Variants in EXOC7 observed in about 807,000 individuals in gnomAD.
EXOC7 encodes exocyst complex component 7.
EXOC7 carries 51 observed loss-of-function variants against 87.6 expected under a neutral mutation model. That is an observed-to-expected ratio of 0.58 (90% CI 0.46 to 0.73). The LOEUF is 0.73. Among genes scored for constraint, EXOC7 ranks in the 30% least tolerant of loss-of-function variants. The probability of loss-of-function intolerance (pLI) is 0.00; values close to 1 mark genes in which losing one functional copy is unlikely to be tolerated. For synonymous variants in EXOC7, 327 were observed against 357.1 expected, an observed-to-expected ratio of 0.92 and a Z score of 0.95; for missense variants, 744 against 888.4, an observed-to-expected ratio of 0.84 and a Z score of 2.07.
At chr17:76,101,035 A>G (rs1029431688) in intron 4 of EXOC7, 2 of 594,742 alleles carry the variant, frequency 3.4e-6, no homozygotes, top group African/African-American at 4.0e-5. Flanking sequence ...TATATTTTAT[A>G]TGTAATTTAT....
intron 1 of EXOC7, 85 bp downstream of exon 1, chr17:76,103,548 T>G: frequency 2.2e-6 from 3 of 1,340,194 alleles, no homozygotes; most frequent in Non-Finnish European, 3.0e-6. Flanking sequence ...CTCCCACCCC[T>G]GCCTCCTCCA....
At chr17:76,085,588 G>A in intron 14 of EXOC7, 89 bp downstream of exon 14, 1 of 1,599,230 alleles carries the variant, frequency 6.3e-7, no homozygotes, top group Non-Finnish European at 8.5e-7. Flanking sequence ...TCGTCCACAA[G>A]AGAAGGAGCC....
intron 6 of EXOC7, among the ~76,000 whole-genome samples, chr17:76,092,139 G>A (rs1413499050): frequency 2.0e-5 from 3 of 152,146 alleles, no homozygotes; most frequent in Non-Finnish European, 2.9e-5. Flanking sequence ...AAAGGCACCC[G>A]GGATGCCTCC....
Position 76,082,190 on chromosome 17 carries a change from C to T in EXOC7, c.*1458G>A, listed in dbSNP as rs2067011079. On this transcript the variant is annotated 3_prime_UTR_variant, in exon 19 of 19. Transcript: ENST00000589210. Reference sequence around the variant, plus strand: ...CTGTCCCTGGTCTCCACCATGTCCTCCTCCCTTAGAAGAAACAGGTCTGGG... The same window carrying T: ...CTGTCCCTGGTCTCCACCATGTCCTTCTCCCTTAGAAGAAACAGGTCTGGG... 5 of 1,105,494 alleles carry T rather than the reference C, an allele frequency of 4.5e-6. No homozygotes were observed. The Admixed American group carries it at 1.5e-4, about 32-fold the overall frequency. The allele number at this position is 1,105,494 out of a possible 1,614,324, so 68.5% of individuals were successfully genotyped here. A position where few individuals can be genotyped will look rare whatever the true frequency, so the allele number is the denominator to read the frequency against.
rs759260379 is a variant in EXOC7 at position 76,086,060 on chromosome 17, C to T, written c.1495+20G>A. 6.2e-7 allele frequency: 1 copy of T among 1,612,704 alleles called. No homozygotes were observed. Among genetic ancestry groups the T allele is most frequent in the Non-Finnish European group, 8.5e-7 (1 of 1,179,698 alleles). On this transcript the variant is annotated intron_variant, in intron 13 of 18. Coordinates refer to ENST00000589210, the MANE Select transcript of EXOC7 (RefSeq NM_001013839.4). ...GCATGCAGGCAGCAGGGCTGCTGGTCTGCCCGGGAGAACACTCACAGATAT... is the reference window on the plus strand; with the variant it reads ...GCATGCAGGCAGCAGGGCTGCTGGTTTGCCCGGGAGAACACTCACAGATAT...
chr17:76,081,523 G>A lies in EXOC7; in HGVS notation c.*2125C>T. On this transcript the variant is annotated 3_prime_UTR_variant, in exon 19 of 19. Coordinates refer to ENST00000589210, the MANE Select transcript of EXOC7 (RefSeq NM_001013839.4). ...CACCTCCTTCCCCCCCGCCGGGAAG[G>A]CCCTGACTTTTCCCCTTCCAGCTGA... 6.2e-7 allele frequency: 1 copy of A among 1,612,354 alleles called. No individual in the cohort carries two copies. The highest frequency in any genetic ancestry group is 8.5e-7 in the Non-Finnish European group (1 of 1,179,784).
Position 76,083,656 on chromosome 17 carries a change from A to T in EXOC7, c.2047T>A (p.Ser683Thr). The T allele has an allele frequency of 3.1e-6, 5 of 1,613,820 alleles. No individual in the cohort carries two copies. The highest frequency in any genetic ancestry group is 4.2e-6 in the Non-Finnish European group (5 of 1,179,914). Residue 683 changes from serine (S) to threonine (T), a missense_variant, in exon 19 of 19, where the codon TCT becomes ACT. By Grantham distance (58) the Ser-to-Thr change is moderately conservative (BLOSUM62 1). Transcript: ENST00000589210. ...GDMIDRLFDT[S>T]A ...CAGGGCTAGCAGCAGGCTCAGGCAGAGGTGTCGAAAAGGCGATCGATCATG... is the reference window on the plus strand; with the variant it reads ...CAGGGCTAGCAGCAGGCTCAGGCAGTGGTGTCGAAAAGGCGATCGATCATG...
intron 17 of EXOC7, 46 bp from the exon 18 acceptor site, chr17:76,084,185 T>C (rs2067102401): frequency 6.3e-7 from 1 of 1,598,668 alleles, no homozygotes. Context: ...GAGACAAACA[T>C]TTTGGGTCTG....
intron 15 of EXOC7, 74 bp downstream of exon 15, chr17:76,085,240 C>T (rs2067157430): frequency 8.1e-7 from 1 of 1,232,308 alleles, no homozygotes; most frequent in East Asian, 2.5e-5. Flanking sequence ...ACTCTGTGTC[C>T]TGAGGTGCTG....
At chr17:76,096,252 G>GC (rs1158897186) in intron 5 of EXOC7, among the ~76,000 whole-genome samples, 1 of 152,176 alleles carries the variant, frequency 6.6e-6, no homozygotes, top group African/African-American at 2.4e-5. Context: ...GGTGGCTCAT[G>GC]CCTGCAATCC....
In EXOC7 at chr17:76,081,741, G is replaced by A. The variant is rs200746630; in HGVS notation, c.*1907C>T. 1 of 1,613,844 alleles carries A rather than the reference G, an allele frequency of 6.2e-7. No individual in the cohort carries two copies. The highest frequency in any genetic ancestry group is 1.1e-5 in the South Asian group (1 of 91,090). ...CAGGCCCTGCCCAGCTCCTCCTCCT[G>A]CAACCCACTGCTCAGTAAGCCCTGC... On this transcript the variant is annotated 3_prime_UTR_variant, in exon 19 of 19. Transcript: ENST00000589210.
In EXOC7 at chr17:76,083,915, C is replaced by T. The variant is rs1045527753; in HGVS notation, c.1952+91G>A. 9 of 1,486,346 alleles carry T rather than the reference C, an allele frequency of 6.1e-6. No individual in the cohort carries two copies. In the African/African-American group the frequency reaches 9.8e-5, roughly 16 times the overall value. 92.1% of individuals were successfully genotyped at this position (1,486,346 alleles called of 1,614,324 possible). A position where few individuals can be genotyped will look rare whatever the true frequency, so the allele number is the denominator to read the frequency against. Reference sequence around the variant, plus strand: ...CTGGATCTGCTGCCTAAATCCACCACCCTTCTCCTTTTTCCCTTGAGGAAG... The same window carrying T: ...CTGGATCTGCTGCCTAAATCCACCATCCTTCTCCTTTTTCCCTTGAGGAAG... On this transcript the variant is annotated intron_variant, in intron 18 of 18. Coordinates refer to ENST00000589210, the MANE Select transcript of EXOC7 (RefSeq NM_001013839.4).
At chr17:76,085,099 T>A in intron 15 of EXOC7, 1 of 579,278 alleles carries the variant, frequency 1.7e-6, no homozygotes. Context: ...CAGACTCCCC[T>A]CTAAAGTGGC....
intron 4 of EXOC7, 59 bp downstream of exon 4, chr17:76,101,212 G>A (rs1332242423): frequency 3.1e-6 from 5 of 1,613,718 alleles, no homozygotes; most frequent in Admixed American, 1.7e-5. Flanking sequence ...TGTCCCTCAT[G>A]AGACCAGGGC....
chr17:76,083,473 G>T lies in EXOC7; in HGVS notation c.*175C>A. On this transcript the variant is annotated 3_prime_UTR_variant, in exon 19 of 19. Transcript: ENST00000589210. ...TGGTTCGGCTGGGAACACGGGCTGTGGGGAAAAAGCAGGAGCCAGGACTAG... is the reference window on the plus strand; with the variant it reads ...TGGTTCGGCTGGGAACACGGGCTGTTGGGAAAAAGCAGGAGCCAGGACTAG... 1 of 633,090 alleles carries T rather than the reference G, an allele frequency of 1.6e-6. No homozygotes were observed. The highest frequency in any genetic ancestry group is 2.8e-6 in the Non-Finnish European group (1 of 357,122). 39.2% of individuals were successfully genotyped at this position (633,090 alleles called of 1,614,324 possible). A position where few individuals can be genotyped will look rare whatever the true frequency, so the allele number is the denominator to read the frequency against.
At position 76,081,403 on chromosome 17, in the gene EXOC7, G is replaced by C; in HGVS notation, c.*2245C>G. 9 of 1,614,080 alleles carry C rather than the reference G, an allele frequency of 5.6e-6. No individual in the cohort carries two copies. The highest frequency in any genetic ancestry group is 6.8e-6 in the Non-Finnish European group (8 of 1,180,036). ...GCTGGTGCCCTGCTTCCAGGTGACG[G>C]TGAGTCAAGTCGGGAGGAGGCCGAC... On this transcript the variant is annotated 3_prime_UTR_variant, in exon 19 of 19. Transcript: ENST00000589210.
chr17:76,096,463 T>C (rs2067756508), intron 5 of EXOC7, among the ~76,000 whole-genome samples: 1 of 139,604 alleles, frequency 7.2e-6, no homozygotes, highest in South Asian at 2.2e-4. Flanking sequence ...GGTGAGCCAA[T>C]ATCATGCCAC....
rs117810423 is a variant in EXOC7 at position 76,089,798 on chromosome 17, G to A, written c.902-478C>T. ...AGTGACCAGCCCAGTCAGGGCTTCT[G>A]GAACATCTAAGAGGGTGGTTGGCTG... is the stretch of plus-strand genomic sequence containing the variant. On this transcript the variant is annotated intron_variant, in intron 7 of 18. Coordinates refer to ENST00000589210, the MANE Select transcript of EXOC7 (RefSeq NM_001013839.4). The A allele has an allele frequency of 3.5e-3, 643 of 185,690 alleles. 4 individuals are homozygous for A. Among genetic ancestry groups the A allele is most frequent in the Non-Finnish European group, 4.4e-3 (382 of 87,320 alleles). 11.5% of individuals were successfully genotyped at this position (185,690 alleles called of 1,614,324 possible).
chr17:76,090,141 C>T (rs945224411), intron 7 of EXOC7, among the ~76,000 whole-genome samples: 7 of 152,346 alleles, frequency 4.6e-5, no homozygotes, highest in East Asian at 3.9e-4. Context: ...CAGACAGGCA[C>T]GCACTCCCAT....
Sources: gnomAD v4.1 joint callset for allele counts (sites outside exome capture counted in the v4.1 genomes callset) on GRCh38, gnomAD v4.1.1 for gene constraint, MANE v1.5 for transcripts, NCBI Gene and HGNC (gene_info 2026-07-23, HGNC 2026-07-21) for gene names.